PTPRD: variants seen among roughly 807,000 people sequenced by gnomAD.
The protein encoded by PTPRD is receptor-type tyrosine-protein phosphatase delta.
A neutral mutation model predicts 214.5 loss-of-function variants in PTPRD; 34 were observed. That is an observed-to-expected ratio of 0.16 (90% CI 0.12 to 0.21). The LOEUF is 0.21. Among genes scored for constraint, PTPRD ranks in the 10% least tolerant of loss-of-function variants. The pLI, the probability that PTPRD is intolerant of heterozygous loss-of-function variation, is 1.00. For synonymous variants in PTPRD, 1,128 were observed against 845.7 expected, an observed-to-expected ratio of 1.33 and a Z score of -5.79; for missense variants, 2,545 against 2,398.7, an observed-to-expected ratio of 1.06 and a Z score of -1.27.
chr9:10,312,682 A>G (rs2096300145), intron 3 of PTPRD, among the ~76,000 whole-genome samples: 1 of 151,960 alleles, frequency 6.6e-6, no homozygotes, highest in African/African-American at 2.4e-5. Flanking sequence ...ATATAAAAGC[A>G]TGACAAACAT....
intron 2 of PTPRD, among the ~76,000 whole-genome samples, chr9:10,426,136 C>G (rs1346812012): frequency 6.6e-6 from 1 of 151,942 alleles, no homozygotes; most frequent in East Asian, 1.9e-4. Context: ...TCTTTCTATA[C>G]CTTCCCTTGC....
intron 9 of PTPRD, among the ~76,000 whole-genome samples, chr9:9,285,376 A>AATGAT (rs1404279024): frequency 6.6e-6 from 1 of 151,770 alleles, no homozygotes; most frequent in African/African-American, 2.4e-5. Flanking sequence ...TCAGTCTATA[A>AATGAT]AGAATGATAA....
chr9:8,794,381 G>A (rs927694463), intron 11 of PTPRD, among the ~76,000 whole-genome samples: 1 of 152,048 alleles, frequency 6.6e-6, no homozygotes, highest in Admixed American at 6.6e-5. Flanking sequence ...TTACACTCTG[G>A]TAAAATGTGT....
intron 11 of PTPRD, among the ~76,000 whole-genome samples, chr9:8,968,199 G>T (rs1313079039): frequency 6.6e-6 from 1 of 152,042 alleles, no homozygotes; most frequent in African/African-American, 2.4e-5. Context: ...ATTGTGAATA[G>T]TGCTGCAATA....
chr9:9,197,266 T>A (rs2099939129), intron 9 of PTPRD, among the ~76,000 whole-genome samples: 1 of 152,064 alleles, frequency 6.6e-6, no homozygotes, highest in Admixed American at 6.6e-5. Context: ...ATAAATCCTA[T>A]CACTCCCTTA....
intron 7 of PTPRD, among the ~76,000 whole-genome samples, chr9:9,666,611 G>A (rs1414814063): frequency 6.6e-6 from 1 of 151,952 alleles, no homozygotes; most frequent in Non-Finnish European, 1.5e-5. Flanking sequence ...TATTTAATAA[G>A]TTGGCAAATT....
Position 10,139,948 on chromosome 9 carries a change from C to T in PTPRD, c.-544-106158G>A, listed in dbSNP as rs548191757. ...AAATACAAAATTCTAGAAGAAAATC[C>T]AGAACATACTTTCTTGATATCAGCC... is the stretch of plus-strand genomic sequence containing the variant. On this transcript the variant is annotated intron_variant, in intron 3 of 45. Coordinates refer to ENST00000381196, the MANE Select transcript of PTPRD (RefSeq NM_002839.4). Among the ~76,000 whole-genome samples, 70 of 152,064 alleles carry T rather than the reference C, an allele frequency of 4.6e-4. No homozygotes were observed. The South Asian group carries it at 0.014, about 29-fold the overall frequency.
At position 8,727,642 on chromosome 9, in the gene PTPRD, T is replaced by TTTTGTTTG. The variant is rs139992060; in HGVS notation, c.64+6130_64+6137dup. 1.2e-3 allele frequency among the ~76,000 whole-genome samples: 187 copies of TTTTGTTTG among 151,518 alleles called. 2 individuals are homozygous for TTTTGTTTG. Among genetic ancestry groups the TTTTGTTTG allele is most frequent in the African/African-American group, 4.3e-3 (180 of 41,380 alleles). On this transcript the variant is annotated intron_variant, in intron 12 of 45. Coordinates refer to ENST00000381196, the MANE Select transcript of PTPRD (RefSeq NM_002839.4). ...TGCTTTTTGTTTTGGTTTAGGTGTT[T>TTTTGTTTG]TTTGTTTGTTTGTTTGTTTGTTTGT... is the stretch of plus-strand genomic sequence containing the variant.
intron 8 of PTPRD, among the ~76,000 whole-genome samples, chr9:9,564,460 C>A (rs1395643856): frequency 1.3e-5 from 2 of 152,060 alleles, no homozygotes; most frequent in East Asian, 3.9e-4. Flanking sequence ...TTAAAAATTT[C>A]TGACTCCACA....
intron 5 of PTPRD, among the ~76,000 whole-genome samples, chr9:9,797,016 T>A (rs1371300609): frequency 6.6e-6 from 1 of 152,144 alleles, no homozygotes; most frequent in Non-Finnish European, 1.5e-5. Context: ...GATGGAAGAT[T>A]GAACATAGTT....
chr9:8,512,210 A>G (rs1290418391), intron 21 of PTPRD, among the ~76,000 whole-genome samples: 2 of 152,134 alleles, frequency 1.3e-5, no homozygotes, highest in Admixed American at 6.5e-5. Flanking sequence ...AGCCAGAATT[A>G]TAACGGTAGT....
At chr9:8,604,493 G>T (rs1303724563) in intron 14 of PTPRD, among the ~76,000 whole-genome samples, 1 of 152,160 alleles carries the variant, frequency 6.6e-6, no homozygotes, top group Admixed American at 6.5e-5. Flanking sequence ...TCAGATAAGG[G>T]TAAGTCCAAG....
At chr9:8,684,510 A>G (rs1031564279) in intron 12 of PTPRD, among the ~76,000 whole-genome samples, 7 of 152,084 alleles carry the variant, frequency 4.6e-5, no homozygotes, top group Non-Finnish European at 8.8e-5. Flanking sequence ...ACTGCAGAGG[A>G]AATCATGTGA....
intron 9 of PTPRD, among the ~76,000 whole-genome samples, chr9:9,296,050 T>A (rs1191837976): frequency 1.3e-5 from 2 of 151,774 alleles, no homozygotes; most frequent in African/African-American, 4.8e-5. Context: ...ACTCAGATGA[T>A]CTCATCGGGC....
chr9:8,989,487 T>G (rs2099358023), intron 11 of PTPRD, among the ~76,000 whole-genome samples: 1 of 152,116 alleles, frequency 6.6e-6, no homozygotes, highest in Non-Finnish European at 1.5e-5. Flanking sequence ...TTTATTTCAC[T>G]TACTATAATG....
In PTPRD at chr9:10,119,914, G is replaced by T. The variant is rs529965631; in HGVS notation, c.-544-86124C>A. Among the ~76,000 whole-genome samples, 53 of 152,100 alleles carry T rather than the reference G, an allele frequency of 3.5e-4. 1 individual carries two copies. Among genetic ancestry groups the T allele is most frequent in the African/African-American group, 1.3e-3 (52 of 41,556 alleles). On this transcript the variant is annotated intron_variant, in intron 3 of 45. Transcript: ENST00000381196. The stretch of plus-strand genomic sequence containing the variant: ...AGAAAATATCTAGTTTTCCAACGAA[G>T]ACAGGCATTTTGGCCCACTTCAAAG...
intron 10 of PTPRD, among the ~76,000 whole-genome samples, chr9:9,103,272 A>C (rs2099793764): frequency 6.6e-6 from 1 of 152,168 alleles, no homozygotes; most frequent in Admixed American, 6.5e-5. Context: ...TTAGTCACCT[A>C]ATGTCATTAG....
chr9:9,476,990 C>A (rs2095095669), intron 8 of PTPRD, among the ~76,000 whole-genome samples: 1 of 152,120 alleles, frequency 6.6e-6, no homozygotes, highest in African/African-American at 2.4e-5. Context: ...CTGCCTCAGC[C>A]TCCCAAAGTG....
At chr9:9,842,391 C>T (rs117561418) in intron 5 of PTPRD, among the ~76,000 whole-genome samples, 3,057 of 130,168 alleles carry the variant, frequency 0.023, 51 homozygotes, top group Middle Eastern at 0.076. Flanking sequence ...TTTTCCATTT[C>T]ATCTTTCCTA....
Sources: gnomAD v4.1 joint callset for allele counts (sites outside exome capture counted in the v4.1 genomes callset) on GRCh38, gnomAD v4.1.1 for gene constraint, MANE v1.5 for transcripts, NCBI Gene and HGNC (gene_info 2026-07-23, HGNC 2026-07-21) for gene names.